The following SH3BP4 variants were observed in gnomAD, a reference collection of about 807,000 sequenced individuals.
SH3BP4 encodes SH3 domain binding protein 4.
A neutral mutation model predicts 65.5 loss-of-function variants in SH3BP4; 33 were observed. That is an observed-to-expected ratio of 0.50 (90% CI 0.38 to 0.67). SH3BP4 has a LOEUF of 0.67. Ranked by LOEUF, SH3BP4 falls within the 30% of genes least tolerant of loss-of-function variation. The pLI is 0.00. For synonymous variants in SH3BP4, 552 were observed against 545.5 expected, an observed-to-expected ratio of 1.01 and a Z score of -0.17; for missense variants, 1,134 against 1,261.4, an observed-to-expected ratio of 0.90 and a Z score of 1.53.
At chr2:234,995,961 G>A (rs1693902818) in intron 2 of SH3BP4, 1 of 152,406 alleles carries the variant, frequency 6.6e-6, no homozygotes, top group East Asian at 1.9e-4. Flanking sequence ...TTGTGAGGAA[G>A]AGCTGGATTA....
intron 4 of SH3BP4, among the ~76,000 whole-genome samples, chr2:235,051,301 T>G (rs1199397349): frequency 1.3e-5 from 2 of 152,190 alleles, no homozygotes; most frequent in Non-Finnish European, 2.9e-5. Flanking sequence ...CCTGCTGTCT[T>G]GTGCTAGCCA....
chr2:235,009,284 T>C (rs1694398411), intron 2 of SH3BP4, among the ~76,000 whole-genome samples: 1 of 152,112 alleles, frequency 6.6e-6, no homozygotes. Context: ...GGGCCTCCAC[T>C]CTGCAAAGGC....
intron 2 of SH3BP4, among the ~76,000 whole-genome samples, chr2:235,023,168 C>A (rs1451981996): frequency 6.6e-6 from 1 of 152,216 alleles, no homozygotes; most frequent in Non-Finnish European, 1.5e-5. Flanking sequence ...ATCAGCTCAG[C>A]TGGCCTCCTT....
chr2:235,038,356 A>AT (rs1559254477), intron 3 of SH3BP4, among the ~76,000 whole-genome samples: 4 of 12,158 alleles, frequency 3.3e-4, no homozygotes, highest in African/African-American at 7.8e-4. Flanking sequence ...TATTTTATAT[A>AT]TATATATATA....
chr2:234,986,933 C>T (rs189094644), intron 1 of SH3BP4, among the ~76,000 whole-genome samples: 41 of 152,032 alleles, frequency 2.7e-4, no homozygotes, highest in African/African-American at 8.7e-4. Flanking sequence ...CCTCCATGCC[C>T]GGCTAATTTT....
chr2:235,034,516 C>T lies in SH3BP4; in HGVS notation c.-132-355C>T, dbSNP rs1482430761. On this transcript the variant is annotated intron_variant, in intron 2 of 5. Transcript: ENST00000392011. This position sits in a 1 kb window ranked among gnomAD's most constrained non-coding sequence, Gnocchi z 6.2. ...CTTTTCCGAGCCCTGCAGCTAGCAG[C>T]ATGAACTGTACAGTCCTGCGCTGTC... Among the ~76,000 whole-genome samples the T allele has an allele frequency of 6.6e-6, 1 of 152,198 alleles. No homozygotes were observed. The highest frequency in any genetic ancestry group is 2.4e-5 in the African/African-American group (1 of 41,452).
At chr2:234,973,915 G>A (rs1427695) in intron 1 of SH3BP4, among the ~76,000 whole-genome samples, 20,151 of 151,970 alleles carry the variant, frequency 0.13, 2,881 homozygotes, top group East Asian at 0.8. Context: ...GACTATAGAT[G>A]TGAGCCACTG....
At chr2:234,961,464 G>T (rs932365297) in intron 1 of SH3BP4, among the ~76,000 whole-genome samples, 1 of 152,038 alleles carries the variant, frequency 6.6e-6, no homozygotes, top group Non-Finnish European at 1.5e-5. Flanking sequence ...TAGAGACGGG[G>T]TTTTACCATG....
intron 1 of SH3BP4, among the ~76,000 whole-genome samples, chr2:234,957,623 A>G (rs1692617483): frequency 6.6e-6 from 1 of 151,832 alleles, no homozygotes; most frequent in Non-Finnish European, 1.5e-5. Flanking sequence ...CCGGGAGCTT[A>G]AAAAAACAAC....
chr2:235,036,751 A>G (rs1231236829), intron 3 of SH3BP4, among the ~76,000 whole-genome samples: 1 of 151,346 alleles, frequency 6.6e-6, no homozygotes, highest in Non-Finnish European at 1.5e-5. Context: ...AATAATAATA[A>G]TAATAATGAC....
chr2:235,034,997 T>TTCG lies in SH3BP4; in HGVS notation c.-5_-3dup. On this transcript the variant is annotated 5_prime_UTR_variant, in exon 3 of 6. Transcript: ENST00000392011. This position sits in a 1 kb window ranked among gnomAD's most constrained non-coding sequence, Gnocchi z 6.2. ...TAGCGGCTTTACCCGGGAAGCGAGT[T>TTCG]TCGAGATGGCGGCTCAGCGGATCCG... 10 of 1,613,224 alleles carry TTCG rather than the reference T, an allele frequency of 6.2e-6. No individual in the cohort carries two copies. Among genetic ancestry groups the TTCG allele is most frequent in the Non-Finnish European group, 7.6e-6 (9 of 1,179,358 alleles).
chr2:235,039,387 A>C (rs1196633590), intron 3 of SH3BP4, among the ~76,000 whole-genome samples: 1 of 152,144 alleles, frequency 6.6e-6, no homozygotes, highest in Admixed American at 6.5e-5. Context: ...ATTTGATAGA[A>C]TACGATGACT....
At chr2:234,984,822 G>T (rs575580649) in intron 1 of SH3BP4, among the ~76,000 whole-genome samples, 1 of 150,774 alleles carries the variant, frequency 6.6e-6, no homozygotes, top group Non-Finnish European at 1.5e-5. Context: ...TGATGTTTTC[G>T]GGGAGATGAC....
At chr2:234,987,802 G>A (rs1693614781) in intron 1 of SH3BP4, among the ~76,000 whole-genome samples, 1 of 152,156 alleles carries the variant, frequency 6.6e-6, no homozygotes, top group African/African-American at 2.4e-5. Flanking sequence ...AAAAGTCAAA[G>A]TCTAGAAGAA....
At chr2:234,953,378 G>C (rs915211116) in intron 1 of SH3BP4, among the ~76,000 whole-genome samples, 10 of 152,136 alleles carry the variant, frequency 6.6e-5, no homozygotes, top group Non-Finnish European at 1.5e-4. Context: ...GAATGCAGCC[G>C]CCCCTTCTCA....
intron 2 of SH3BP4, among the ~76,000 whole-genome samples, chr2:235,014,689 C>T (rs975781502): frequency 9.9e-5 from 15 of 152,132 alleles, no homozygotes; most frequent in Admixed American, 3.9e-4. Flanking sequence ...ACCTTCTCAC[C>T]GGGTCTTCAC....
intron 2 of SH3BP4, among the ~76,000 whole-genome samples, chr2:235,005,529 A>C (rs1478914391): frequency 2.6e-5 from 4 of 152,122 alleles, no homozygotes; most frequent in Non-Finnish European, 5.9e-5. Context: ...TACTGAGTGA[A>C]GATCTCCAAG....
intron 1 of SH3BP4, among the ~76,000 whole-genome samples, chr2:234,973,821 TAG>T (rs1471888810): frequency 2.6e-5 from 4 of 152,018 alleles, no homozygotes; most frequent in African/African-American, 4.8e-5. Flanking sequence ...ACTGTTTTTG[TAG>T]AGAGTTTCCC....
chr2:235,044,792 C>T (rs1450825936), intron 4 of SH3BP4, among the ~76,000 whole-genome samples: 37 of 152,198 alleles, frequency 2.4e-4, no homozygotes, highest in Non-Finnish European at 5.9e-5. Context: ...ACAGAAGGGA[C>T]GCAGCCCGGC....
Sources: allele counts gnomAD v4.1 joint callset (sites outside exome capture counted in the v4.1 genomes callset), GRCh38; gene constraint gnomAD v4.1.1; non-coding constraint Gnocchi (gnomAD v3.1); transcripts MANE v1.5; gene names NCBI Gene and HGNC (gene_info 2026-07-23, HGNC 2026-07-21).